The following PLCD3 variants were observed in gnomAD, a reference collection of about 807,000 sequenced individuals.
PLCD3 encodes phospholipase C delta 3, also known as 1-phosphatidylinositol 4,5-bisphosphate phosphodiesterase delta-3.
A neutral mutation model predicts 82.8 loss-of-function variants in PLCD3; 62 were observed. The ratio of observed to expected loss-of-function variants is 0.75; its 90% CI spans 0.61 to 0.93. The LOEUF (loss-of-function observed/expected upper bound fraction) is 0.93, where lower values mean the gene tolerates loss of function less well. Among genes scored for constraint, PLCD3 ranks in the 40% least tolerant of loss-of-function variants. The probability of loss-of-function intolerance (pLI) is 0.00; values close to 1 mark genes in which losing one functional copy is unlikely to be tolerated. For missense variants in PLCD3, 1,023 were observed against 1,103.4 expected (o/e 0.93, Z 1.03); for synonymous variants, 478 against 471.8 (o/e 1.01, Z -0.17).
chr17:45,131,829 C>T (rs939934979), intron 1 of PLCD3, among the ~76,000 whole-genome samples: 3 of 152,220 alleles, frequency 2.0e-5, no homozygotes, highest in East Asian at 1.9e-4. Flanking sequence ...AGGCCAGCCT[C>T]TTCTGCGGAG....
At chr17:45,113,955 C>T (rs192870006) in intron 11 of PLCD3, among the ~76,000 whole-genome samples, 2 of 152,242 alleles carry the variant, frequency 1.3e-5, no homozygotes, top group Non-Finnish European at 2.9e-5. Context: ...TCCCCCAGAG[C>T]CCACCCTTGT....
chr17:45,128,710 G>A (rs1249339811), intron 1 of PLCD3, among the ~76,000 whole-genome samples: 1 of 152,232 alleles, frequency 6.6e-6, no homozygotes, highest in Non-Finnish European at 1.5e-5. Flanking sequence ...GGGACACAGG[G>A]TGGCCAGAGA....
rs1344035454 is a variant in PLCD3 at position 45,116,674 on chromosome 17, C to T, written c.1371G>A (p.Gln457=). 2 of 1,610,012 alleles carry T rather than the reference C, an allele frequency of 1.2e-6. No homozygotes were observed. Among genetic ancestry groups the T allele is most frequent in the Non-Finnish European group, 1.7e-6 (2 of 1,177,750 alleles). Residue 457 remains glutamine, a synonymous_variant, in exon 8 of 15, where the codon CAG becomes CAA. Transcript: ENST00000619929. ...CCTCGGGATTTGGGGAGTCCAGCGC[C>T]TGTGTCACCAGCATGTCCCCCAGGA... ...CTILGDMLVT[Q]ALDSPNPEEL... is the part of the protein sequence containing the mutation.
chr17:45,112,613 C>G lies in PLCD3; in HGVS notation c.*3G>C. On this transcript the variant is annotated 3_prime_UTR_variant, in exon 15 of 15. Coordinates refer to ENST00000619929, the MANE Select transcript of PLCD3 (RefSeq NM_133373.5). ...AGAACCCCAAGGCGAGTGAGGTGGG[C>G]CCTCAGGAGCGCTGGATGCGGATTT... 2 of 1,594,964 alleles carry G rather than the reference C, an allele frequency of 1.3e-6. No individual in the cohort carries two copies. The highest frequency in any genetic ancestry group is 1.7e-6 in the Non-Finnish European group (2 of 1,171,118).
In PLCD3 at chr17:45,120,763, C is replaced by A. The variant is rs909686845; in HGVS notation, c.554+139G>T. 8 of 1,132,256 alleles carry A rather than the reference C, an allele frequency of 7.1e-6. No homozygotes were observed. The African/African-American group carries it at 9.6e-5, about 14-fold the overall frequency. The allele number at this position is 1,132,256 out of a possible 1,614,324, so 70.1% of individuals were successfully genotyped here. ...GTGTCCCCACCCTCAGTTTCGAAGA[C>A]CAAGGGCTCCGACCCAGACCGTGCG... On this transcript the variant is annotated intron_variant, in intron 3 of 14. Coordinates refer to ENST00000619929, the MANE Select transcript of PLCD3 (RefSeq NM_133373.5).
In PLCD3 at chr17:45,118,946, T is replaced by C. The variant is rs1160131157; in HGVS notation, c.782A>G (p.His261Arg). The C allele has an allele frequency of 6.2e-7, 1 of 1,612,636 alleles. No homozygotes were observed. The highest frequency in any genetic ancestry group is 1.3e-5 in the African/African-American group (1 of 74,908). The stretch of plus-strand genomic sequence containing the variant: ...CACGCGGTCCTCGCCCGAGTACTGA[T>C]GGAAGATCTCCTCCAGCTCCGGCCG... ...LKRPELEEIF[H>R]QYSGEDRVLS... The change falls in exon 5 of 15, where the codon CAT (histidine) becomes CGT (arginine). Residue 261 changes from histidine (H) to arginine (R), a missense_variant. His to Arg is a conservative substitution (Grantham distance 29). Around this residue, in one of 3 missense-constraint regions of PLCD3, gnomAD observed 448 missense variants for 406.3 expected, o/e 1.10. Transcript: ENST00000619929. The surrounding 1 kb of genome is among the most constrained non-coding windows in gnomAD (Gnocchi z 4.1).
In PLCD3 at chr17:45,121,066, C is replaced by G; in HGVS notation, c.390G>C (p.Gly130=). ...GGCAGCGCGCTGGCGCGAAGGCACCCCCGAAGCGCCGCAGGCCCTCGGACT... is the reference window on the plus strand; with the variant it reads ...GGCAGCGCGCTGGCGCGAAGGCACCGCCGAAGCGCCGCAGGCCCTCGGACT... The part of the protein sequence containing the change: ...GHQSEGLRRF[G]GAFAPARCLT... The change falls in exon 3 of 15, where the codon GGG becomes GGC. Residue 130 remains glycine, a synonymous_variant. Transcript: ENST00000619929. 1 of 1,542,142 alleles carries G rather than the reference C, an allele frequency of 6.5e-7. No individual in the cohort carries two copies. The highest frequency in any genetic ancestry group is 8.7e-7 in the Non-Finnish European group (1 of 1,152,168).
chr17:45,130,594 A>T (rs941578555), intron 1 of PLCD3, among the ~76,000 whole-genome samples: 1 of 152,164 alleles, frequency 6.6e-6, no homozygotes, highest in East Asian at 1.9e-4. Context: ...AGTCCAGCCC[A>T]GTCTATCTCC....
chr17:45,120,836 G>T, intron 3 of PLCD3, 66 bp downstream of exon 3: 1 of 1,394,624 alleles, frequency 7.2e-7, no homozygotes, highest in South Asian at 1.6e-5. Context: ...GCTCTCCAAG[G>T]ATGGGGCTCT....
At chr17:45,119,736 G>A (rs2054321478) in intron 4 of PLCD3, among the ~76,000 whole-genome samples, 1 of 152,092 alleles carries the variant, frequency 6.6e-6, no homozygotes, top group Non-Finnish European at 1.5e-5. Context: ...ACAAGTCAAT[G>A]AGAATTCATG....
rs1289402406 is a variant in PLCD3, at chr17:45,115,135, G to A, written c.1670C>T (p.Ser557Phe). ...PNAPQPCQVS[S>F]LSERKAKKLI... ...TTTCTTGGCTTTGCGCTCGCTGAGG[G>A]AGCTGACCTGGCAGGGTTGTGGGGC... Residue 557 changes from serine to phenylalanine, a missense_variant, in exon 10 of 15, where the codon TCC (serine) becomes TTC (phenylalanine). Physicochemically the swap from Ser to Phe is radical, Grantham distance 155. Around this residue, in one of 3 missense-constraint regions of PLCD3, gnomAD observed 553 missense variants for 655.7 expected, o/e 0.84. Coordinates refer to ENST00000619929, the MANE Select transcript of PLCD3 (RefSeq NM_133373.5). 18 of 1,601,788 alleles carry A rather than the reference G, an allele frequency of 1.1e-5. No individual in the cohort carries two copies. The highest frequency in any genetic ancestry group is 1.4e-5 in the Non-Finnish European group (17 of 1,174,444).
chr17:45,109,159 T>C lies in PLCD3; in HGVS notation c.*3457A>G, dbSNP rs1209305111. 3.3e-5 allele frequency: 5 copies of C among 152,414 alleles called. No individual in the cohort carries two copies. Among genetic ancestry groups the C allele is most frequent in the Non-Finnish European group, 1.5e-5 (1 of 68,086 alleles). 9.4% of individuals were successfully genotyped at this position (152,414 alleles called of 1,614,324 possible). ...AGGCCAGCTTCCAAAGGCCTTCCTT[T>C]AAGGCTGCCCTTCTTCCAGGGCAAA... On this transcript the variant is annotated 3_prime_UTR_variant, in exon 15 of 15. Coordinates refer to ENST00000619929, the MANE Select transcript of PLCD3 (RefSeq NM_133373.5).
rs879937387 is a variant in PLCD3 at position 45,112,331 on chromosome 17, A to G, written c.*285T>C. On this transcript the variant is annotated 3_prime_UTR_variant, in exon 15 of 15. Transcript: ENST00000619929. ...CCTGGCAGCAACAGGCTTGCTCCTC[A>G]TAAGTCACAATGAGGGGTGGGCTGA... 22 of 459,430 alleles carry G rather than the reference A, an allele frequency of 4.8e-5. No homozygotes were observed. The Admixed American group carries it at 6.1e-4, about 13-fold the overall frequency. 28.5% of individuals were successfully genotyped at this position (459,430 alleles called of 1,614,324 possible).
At position 45,109,219 on chromosome 17, in the gene PLCD3, A is replaced by G. The variant is rs2054224335; in HGVS notation, c.*3397T>C. On this transcript the variant is annotated 3_prime_UTR_variant, in exon 15 of 15. Transcript: ENST00000619929. ...GTCAGACCCTTCCCACCCGCCAGAG[A>G]CGAGCTGCTATTGACCCAGGTTCAC... is the stretch of plus-strand genomic sequence containing the variant. 6.6e-6 allele frequency: 1 copy of G among 152,218 alleles called. No individual in the cohort carries two copies. The highest frequency in any genetic ancestry group is 2.1e-4 in the South Asian group (1 of 4,830). 9.4% of individuals were successfully genotyped at this position (152,218 alleles called of 1,614,324 possible).
At chr17:45,121,673 C>T (rs1452722851) in intron 1 of PLCD3, among the ~76,000 whole-genome samples, 1 of 152,204 alleles carries the variant, frequency 6.6e-6, no homozygotes, top group Admixed American at 6.5e-5. Context: ...TCGGACAATG[C>T]CTGGGACTCA....
intron 1 of PLCD3, among the ~76,000 whole-genome samples, chr17:45,122,146 G>A (rs536157485): frequency 1.1e-4 from 17 of 152,226 alleles, no homozygotes; most frequent in African/African-American, 4.1e-4. Flanking sequence ...CTTTCCCAAA[G>A]ACAAGGAGGA....
intron 14 of PLCD3, 45 bp downstream of exon 14, chr17:45,112,818 G>T: frequency 6.2e-7 from 1 of 1,607,512 alleles, no homozygotes; most frequent in Non-Finnish European, 8.5e-7. Flanking sequence ...GGGTCTGCAG[G>T]ACCTGGACCC....
At chr17:45,123,097 T>C (rs999259210) in intron 1 of PLCD3, among the ~76,000 whole-genome samples, 7 of 152,112 alleles carry the variant, frequency 4.6e-5, no homozygotes, top group African/African-American at 1.7e-4. Context: ...CCCCTAATAC[T>C]GGGTTTGGCT....
At chr17:45,126,441 C>T (rs573141030) in intron 1 of PLCD3, among the ~76,000 whole-genome samples, 24 of 150,334 alleles carry the variant, frequency 1.6e-4, no homozygotes, top group African/African-American at 5.4e-4. Flanking sequence ...GCAACCCCCA[C>T]CTCCCGGGTT....
Sources: gnomAD v4.1 joint callset for allele counts (sites outside exome capture counted in the v4.1 genomes callset) on GRCh38, gnomAD v4.1.1 for gene constraint, gnomAD v4.1.1 regional missense constraint, Gnocchi (gnomAD v3.1) non-coding constraint, MANE v1.5 for transcripts, NCBI Gene and HGNC (gene_info 2026-07-23, HGNC 2026-07-21) for gene names.